Variants in MYO9B observed in about 807,000 individuals in gnomAD.
The protein encoded by MYO9B is myosin IXB, also known as unconventional myosin-IXb.
In MYO9B, 71 loss-of-function variants were observed where a neutral mutation model predicts 229.5. The ratio of observed to expected loss-of-function variants is 0.31; its 90% CI spans 0.26 to 0.38. The LOEUF (loss-of-function observed/expected upper bound fraction) is 0.38, where lower values mean the gene tolerates loss of function less well. Among genes scored for constraint, MYO9B ranks in the 10% least tolerant of loss-of-function variants. The pLI, the probability that MYO9B is intolerant of heterozygous loss-of-function variation, is 1.00. For synonymous variants in MYO9B, 1,185 were observed against 1,235.8 expected (o/e 0.96, Z 0.86); for missense variants, 2,255 against 2,920.5 (o/e 0.77, Z 5.25).
chr19:17,200,955 C>G (rs377542194), intron 26 of MYO9B, 126 bp downstream of exon 26: 16 of 1,116,536 alleles, frequency 1.4e-5, no homozygotes, highest in Middle Eastern at 5.6e-4. Context: ...AGTCCAGGCT[C>G]AGGCCGGGGA....
intron 2 of MYO9B, among the ~76,000 whole-genome samples, chr19:17,127,344 C>G (rs1223196375): frequency 7.4e-6 from 1 of 135,650 alleles, no homozygotes; most frequent in East Asian, 2.2e-4. Context: ...TTTTTTTTTT[C>G]CAGTTGGAAT....
intron 1 of MYO9B, among the ~76,000 whole-genome samples, chr19:17,098,051 C>CG (rs1386933982): frequency 6.6e-6 from 1 of 150,884 alleles, no homozygotes; most frequent in African/African-American, 2.4e-5. Context: ...CAGAACCCCC[C>CG]CCCCCCACCT....
chr19:17,131,844 G>A (rs1163815748), intron 2 of MYO9B, among the ~76,000 whole-genome samples: 2 of 151,514 alleles, frequency 1.3e-5, no homozygotes, highest in East Asian at 3.9e-4. Context: ...TTTCTTCTGT[G>A]CTTTTCACGA....
intron 24 of MYO9B, among the ~76,000 whole-genome samples, chr19:17,199,200 C>A (rs2073079362): frequency 7.6e-6 from 1 of 131,200 alleles, no homozygotes. Context: ...GACACTCTGT[C>A]TCAAAAAAAC....
intron 2 of MYO9B, among the ~76,000 whole-genome samples, chr19:17,123,741 AAC>A (rs1349915448): frequency 6.6e-6 from 1 of 151,972 alleles, no homozygotes; most frequent in African/African-American, 2.4e-5. Flanking sequence ...TACAAGGAGA[AAC>A]ACACACACAG....
chr19:17,119,777 A>G (rs1409509725), intron 2 of MYO9B, among the ~76,000 whole-genome samples: 7 of 151,950 alleles, frequency 4.6e-5, no homozygotes, highest in Non-Finnish European at 8.8e-5. Flanking sequence ...TCAGCCTCCC[A>G]AGTATCTGGG....
chr19:17,207,814 G>A (rs1016801312), intron 35 of MYO9B: 3 of 152,024 alleles, frequency 2.0e-5, no homozygotes, highest in Admixed American at 1.3e-4. Context: ...AGTTCGAGAC[G>A]AGCCTGACCA....
chr19:17,192,445 A>C (rs981505961), intron 20 of MYO9B, among the ~76,000 whole-genome samples: 1 of 149,948 alleles, frequency 6.7e-6, no homozygotes, highest in Non-Finnish European at 1.5e-5. Context: ...AAATACAAAA[A>C]TTAGCCAGGC....
At position 17,163,522 on chromosome 19, in the gene MYO9B, C is replaced by T. The variant is rs2072627734; in HGVS notation, c.1671+400C>T. Among the ~76,000 whole-genome samples the T allele has an allele frequency of 3.3e-5, 5 of 152,010 alleles. No individual in the cohort carries two copies. In the South Asian group the frequency reaches 1.0e-3, roughly 32 times the overall value. On this transcript the variant is annotated intron_variant, in intron 10 of 39. Transcript: ENST00000682292. ...AGCTGGAACCACAGGTGCACACTAC[C>T]ATGCCTGGCTAATTTTTGTATTTTT... is the stretch of plus-strand genomic sequence containing the variant.
chr19:17,140,574 C>T (rs1007314204), intron 2 of MYO9B, among the ~76,000 whole-genome samples: 2 of 151,870 alleles, frequency 1.3e-5, no homozygotes, highest in Non-Finnish European at 2.9e-5. Flanking sequence ...CCGCAACCTC[C>T]GCCTCCCGGG....
intron 2 of MYO9B, among the ~76,000 whole-genome samples, chr19:17,142,048 T>C (rs908880873): frequency 7.2e-5 from 11 of 151,848 alleles, no homozygotes; most frequent in Non-Finnish European, 1.6e-4. Context: ...CATGGTGGCA[T>C]GCACCTGTGG....
At chr19:17,180,705 C>G (rs1010463862) in intron 14 of MYO9B, 4 of 496,238 alleles carry the variant, frequency 8.1e-6, no homozygotes, top group African/African-American at 7.9e-5. Flanking sequence ...CAATTTGCCT[C>G]AAAGCCCTGC....
chr19:17,185,814 C>T (rs1418153463), intron 17 of MYO9B, 107 bp from the exon 18 acceptor site: 4 of 850,162 alleles, frequency 4.7e-6, no homozygotes, highest in Non-Finnish European at 7.8e-6. Flanking sequence ...TCTGTGCAGA[C>T]CCCATCCACC....
intron 2 of MYO9B, among the ~76,000 whole-genome samples, chr19:17,116,257 G>A (rs538392436): frequency 3.9e-5 from 6 of 152,314 alleles, no homozygotes; most frequent in Admixed American, 2.0e-4. Context: ...TGGAACCTGT[G>A]GGCCCAGAGT....
At chr19:17,197,949 G>A (rs974434723) in intron 23 of MYO9B, 91 bp downstream of exon 23, 2 of 1,509,506 alleles carry the variant, frequency 1.3e-6, no homozygotes, top group Non-Finnish European at 1.8e-6. Context: ...AGCTACTCAG[G>A]AGGCTGAGGC....
intron 9 of MYO9B, 33 bp from the exon 10 acceptor site, chr19:17,162,955 G>C: frequency 6.3e-7 from 1 of 1,598,584 alleles, no homozygotes. Flanking sequence ...GGGTGCACCT[G>C]CGGGCAGTGA....
At chr19:17,082,916 T>G (rs938098469) in intron 1 of MYO9B, among the ~76,000 whole-genome samples, 1 of 151,998 alleles carries the variant, frequency 6.6e-6, no homozygotes, top group Non-Finnish European at 1.5e-5. Context: ...GGCTCCCTCT[T>G]GCACTCCGCA....
intron 2 of MYO9B, among the ~76,000 whole-genome samples, chr19:17,125,484 A>T (rs917360960): frequency 6.6e-6 from 1 of 152,106 alleles, no homozygotes. Context: ...GACATATGTA[A>T]GATTTCAGTA....
rs1367740727 is a variant in MYO9B, at chr19:17,101,837, G to A, written c.120G>A (p.Lys40=). 1.2e-6 allele frequency: 2 copies of A among 1,610,984 alleles called. No homozygotes were observed. Among genetic ancestry groups the A allele is most frequent in the Non-Finnish European group, 8.5e-7 (1 of 1,179,516 alleles). ...CCTCGTGCCGCGTGACTGCCACCAA[G>A]GACAGCACCACCTCGGACGTCATCA... is the stretch of plus-strand genomic sequence containing the variant. ...SQASCRVTAT[K]DSTTSDVIKD... The change falls in exon 2 of 40, where the codon AAG becomes AAA. Residue 40 remains lysine, a synonymous_variant. Transcript: ENST00000682292. The surrounding 1 kb of genome is among the most constrained non-coding windows in gnomAD (Gnocchi z 4.7).
Sources: gnomAD v4.1 joint callset for allele counts (sites outside exome capture counted in the v4.1 genomes callset) on GRCh38, gnomAD v4.1.1 for gene constraint, Gnocchi (gnomAD v3.1) non-coding constraint, MANE v1.5 for transcripts, NCBI Gene and HGNC (gene_info 2026-07-23, HGNC 2026-07-21) for gene names.